The following SRPRB variants were observed in gnomAD, a reference collection of about 807,000 sequenced individuals.
The protein encoded by SRPRB is signal recognition particle receptor subunit beta.
SRPRB carries 20 observed loss-of-function variants against 31.9 expected under a neutral mutation model. The observed-to-expected ratio is 0.63, with a 90% confidence interval of 0.44 to 0.91. The LOEUF is 0.91. Ranked by LOEUF, SRPRB falls within the 40% of genes least tolerant of loss-of-function variation. The pLI is 0.00. For missense variants in SRPRB, 321 were observed against 324.9 expected (o/e 0.99, Z 0.09); for synonymous variants, 146 against 132.8 (o/e 1.10, Z -0.68).
chr3:133,815,831 A>T lies in SRPRB; in HGVS notation c.547+105A>T, dbSNP rs1576384846. ...TTGTTATTATTGAGGATGAGATACA[A>T]TTGCTGTAAAGAACTATAAATTGAA... On this transcript the variant is annotated intron_variant, in intron 5 of 6. Transcript: ENST00000678299. 5 of 1,344,568 alleles carry T rather than the reference A, an allele frequency of 3.7e-6. No homozygotes were observed. In the East Asian group the frequency reaches 1.2e-4, roughly 31 times the overall value. The allele number at this position is 1,344,568 out of a possible 1,614,324, so 83.3% of individuals were successfully genotyped here. A position where few individuals can be genotyped will look rare whatever the true frequency, so the allele number is the denominator to read the frequency against.
chr3:133,811,911 A>G (rs1375045055), intron 4 of SRPRB, among the ~76,000 whole-genome samples: 2 of 152,180 alleles, frequency 1.3e-5, no homozygotes, highest in Non-Finnish European at 2.9e-5. Flanking sequence ...CGTAAAATTG[A>G]TGTTTCAAGA....
At chr3:133,826,974 G>A (rs898913004), downstream of SRPRB, 1 of 152,674 alleles carries the variant, frequency 6.5e-6, no homozygotes, top group Non-Finnish European at 1.5e-5. Flanking sequence ...CTAAACACAT[G>A]ACATCTGAAA....
rs1208029780 is a variant in SRPRB at position 133,820,805 on chromosome 3, A to T, written c.*1039A>T. ...TAGAATGTAATGGTGAGTACAAATG[A>T]GTGCACATGTCAGGACTCAGGTCTA... On this transcript the variant is annotated 3_prime_UTR_variant, in exon 7 of 7. Coordinates refer to ENST00000678299, the MANE Select transcript of SRPRB (RefSeq NM_001379313.1). 2.0e-5 allele frequency: 3 copies of T among 152,230 alleles called. No homozygotes were observed. The highest frequency in any genetic ancestry group is 4.4e-5 in the Non-Finnish European group (3 of 68,042). The allele number at this position is 152,230 out of a possible 1,614,324, so 9.4% of individuals were successfully genotyped here.
rs978264714 is a variant in SRPRB, at chr3:133,819,941, G to A, written c.*175G>A. 1.7e-6 allele frequency: 1 copy of A among 575,454 alleles called. No homozygotes were observed. The highest frequency in any genetic ancestry group is 3.0e-6 in the Non-Finnish European group (1 of 333,954). The allele number at this position is 575,454 out of a possible 1,614,324, so 35.6% of individuals were successfully genotyped here. ...GAATTTTTTTTTTTTTTTTTTTTAA[G>A]TTCAGTTCTCCCTTATGGCTGCCTT... is the stretch of plus-strand genomic sequence containing the variant. On this transcript the variant is annotated 3_prime_UTR_variant, in exon 7 of 7. Coordinates refer to ENST00000678299, the MANE Select transcript of SRPRB (RefSeq NM_001379313.1).
At chr3:133,786,216 AT>A (rs1333171285) in intron 1 of SRPRB, 1 of 17,224 alleles carries the variant, frequency 5.8e-5, no homozygotes, top group Admixed American at 1.0e-3. Flanking sequence ...CAATAAAAAA[AT>A]AAATTAAAAA....
downstream of SRPRB, chr3:133,827,182 G>A (rs1935578442): frequency 6.6e-6 from 1 of 152,292 alleles, no homozygotes; most frequent in African/African-American, 2.4e-5. Context: ...TGCCATTTCA[G>A]ATTAATTTCT....
chr3:133,817,727 T>C lies in SRPRB; in HGVS notation c.602+795T>C, dbSNP rs1471683744. On this transcript the variant is annotated intron_variant, in intron 6 of 6. Transcript: ENST00000678299. ...TGTATAAATTCAACTTTTAGAAACT[T>C]TTCTCCCCACTATGACTTACTGACT... 2.6e-5 allele frequency among the ~76,000 whole-genome samples: 4 copies of C among 152,128 alleles called. No homozygotes were observed. In the East Asian group the frequency reaches 7.7e-4, roughly 29 times the overall value.
At chr3:133,802,162 T>TG (rs1160586676), upstream of SRPRB, among the ~76,000 whole-genome samples, 1 of 152,170 alleles carries the variant, frequency 6.6e-6, no homozygotes, top group Non-Finnish European at 1.5e-5. Context: ...CCCACCACTC[T>TG]GGGGGGCTGA....
At chr3:133,802,883 C>CGTT (rs1935083794), upstream of SRPRB, among the ~76,000 whole-genome samples, 1 of 152,182 alleles carries the variant, frequency 6.6e-6, no homozygotes, top group African/African-American at 2.4e-5. Context: ...GCTACTCTTA[C>CGTT]GTTGGATCCA....
chr3:133,790,089 C>G (rs189168738), intron 1 of SRPRB: 1 of 152,102 alleles, frequency 6.6e-6, no homozygotes, highest in East Asian at 1.9e-4. Flanking sequence ...CAGAGGTAAT[C>G]TAGATAAACT....
chr3:133,803,660 CT>C (rs111599503), upstream of SRPRB, among the ~76,000 whole-genome samples: 51,563 of 145,710 alleles, frequency 0.35, 8,917 homozygotes, highest in Middle Eastern at 0.38. Flanking sequence ...GTCCCAGTTC[CT>C]TTTTTTTTTT....
At chr3:133,806,748 T>G in intron 2 of SRPRB, 45 bp downstream of exon 2, 1 of 1,432,452 alleles carries the variant, frequency 7.0e-7, no homozygotes, top group Non-Finnish European at 9.8e-7. Context: ...ATAGAAAATT[T>G]TATAGATCCC....
At chr3:133,810,295 A>C (rs961278209) in intron 3 of SRPRB, 3 of 152,260 alleles carry the variant, frequency 2.0e-5, no homozygotes, top group Admixed American at 6.5e-5. Context: ...CCTGCTTCTG[A>C]ACTGTGGGTA....
At chr3:133,784,733 T>A (rs1934613828) in intron 1 of SRPRB, 1 of 151,874 alleles carries the variant, frequency 6.6e-6, no homozygotes, top group Non-Finnish European at 1.5e-5. Context: ...CATGGAAAAA[T>A]TGCCTTCCGT....
chr3:133,793,919 C>T (rs1934906152), intron 1 of SRPRB: 1 of 152,094 alleles, frequency 6.6e-6, no homozygotes, highest in Non-Finnish European at 1.5e-5. Context: ...TCTAAAACTG[C>T]TAACCCAAGT....
chr3:133,819,658 G>A lies in SRPRB; in HGVS notation c.708G>A (p.Gln236=). The change falls in exon 7 of 7, where the codon CAG becomes CAA. Residue 236 remains glutamine (Q), a synonymous_variant. Coordinates refer to ENST00000678299, the MANE Select transcript of SRPRB (RefSeq NM_001379313.1). ...GKKGKEFEFS[Q]LPLKVEFLEC... is the part of the protein sequence containing the mutation. ...AAGGCAAAGAGTTTGAATTCTCACA[G>A]TTGCCCCTCAAAGTGGAGTTCCTGG... The A allele has an allele frequency of 1.9e-6, 3 of 1,614,198 alleles. No homozygotes were observed. Among genetic ancestry groups the A allele is most frequent in the Non-Finnish European group, 2.5e-6 (3 of 1,180,040 alleles).
intron 5 of SRPRB, among the ~76,000 whole-genome samples, chr3:133,816,439 C>T (rs1162761873): frequency 1.3e-5 from 2 of 152,166 alleles, no homozygotes; most frequent in Non-Finnish European, 2.9e-5. Flanking sequence ...ACCTTTAGTA[C>T]ACTTAATGCT....
Position 133,805,951 on chromosome 3 carries a change from C to A in SRPRB, c.103C>A (p.Pro35Thr). The part of the protein sequence containing the change: ...TLRQELQQTD[P>T]TLLSVVVAVL... ...GCGGCAGGAGCTGCAGCAGACGGAC[C>A]CAACGCTGTTGTCAGTAGTGGTGGC... The change falls in exon 1 of 7, where the codon CCA becomes ACA. Residue 35 changes from proline (P) to threonine (T), a missense_variant. Pro to Thr is a conservative substitution (Grantham distance 38). Transcript: ENST00000678299. 5 of 1,613,846 alleles carry A rather than the reference C, an allele frequency of 3.1e-6. No individual in the cohort carries two copies. Among genetic ancestry groups the A allele is most frequent in the Non-Finnish European group, 4.2e-6 (5 of 1,179,820 alleles).
At chr3:133,827,747 C>CCT, downstream of SRPRB, 1 of 14,394 alleles carries the variant, frequency 6.9e-5, no homozygotes. Context: ...GCAGACAACA[C>CCT]CCCCCCCCCC....
Sources: gnomAD v4.1 joint callset for allele counts (sites outside exome capture counted in the v4.1 genomes callset) on GRCh38, gnomAD v4.1.1 for gene constraint, MANE v1.5 for transcripts, NCBI Gene and HGNC (gene_info 2026-07-23, HGNC 2026-07-21) for gene names.